Variants in AGBL3 observed in about 807,000 individuals in gnomAD.
AGBL3 encodes AGBL carboxypeptidase 3.
A neutral mutation model predicts 94.5 loss-of-function variants in AGBL3; 68 were observed. That is an observed-to-expected ratio of 0.72 (90% CI 0.59 to 0.88). The LOEUF (loss-of-function observed/expected upper bound fraction) is 0.88, where lower values mean the gene tolerates loss of function less well. Ranked by LOEUF, AGBL3 falls within the 40% of genes least tolerant of loss-of-function variation. The pLI, the probability that AGBL3 is intolerant of heterozygous loss-of-function variation, is 0.00. For missense variants in AGBL3, 934 were observed against 1,103.8 expected, an observed-to-expected ratio of 0.85 and a Z score of 2.18; for synonymous variants, 354 against 370.7, an observed-to-expected ratio of 0.95 and a Z score of 0.52.
At chr7:135,068,796 A>T (rs1022800103) in intron 12 of AGBL3, among the ~76,000 whole-genome samples, 2 of 152,258 alleles carry the variant, frequency 1.3e-5, no homozygotes, top group Non-Finnish European at 2.9e-5. Flanking sequence ...CAAATTGTAA[A>T]GACCATCGAT....
At chr7:134,992,256 T>C (rs1171745371) in intron 3 of AGBL3, among the ~76,000 whole-genome samples, 1 of 152,228 alleles carries the variant, frequency 6.6e-6, no homozygotes, top group Non-Finnish European at 1.5e-5. Context: ...CCTTTCAGCT[T>C]TGTTAGAGTG....
At chr7:134,999,246 T>C (rs1250451260) in intron 4 of AGBL3, among the ~76,000 whole-genome samples, 1 of 152,168 alleles carries the variant, frequency 6.6e-6, no homozygotes, top group Non-Finnish European at 1.5e-5. Context: ...CCTCTGGGGG[T>C]GCAAAGCCTA....
At chr7:135,086,806 T>TTTG (rs757314397) in intron 15 of AGBL3, among the ~76,000 whole-genome samples, 1 of 151,942 alleles carries the variant, frequency 6.6e-6, no homozygotes, top group Non-Finnish European at 1.5e-5. Flanking sequence ...ATAGGTTTCT[T>TTTG]TTGTTGTTGT....
chr7:135,010,654 T>A (rs1321876604), intron 4 of AGBL3: 1 of 152,172 alleles, frequency 6.6e-6, no homozygotes, highest in Non-Finnish European at 1.5e-5. Flanking sequence ...GGATGGGGTA[T>A]TATGTTTGCA....
intron 4 of AGBL3, among the ~76,000 whole-genome samples, chr7:135,006,314 C>T (rs959594453): frequency 6.6e-6 from 1 of 151,894 alleles, no homozygotes; most frequent in Non-Finnish European, 1.5e-5. Flanking sequence ...CTCCTGGCCA[C>T]AGGCAAGCCT....
At chr7:135,029,177 CCA>C (rs1815466231) in intron 5 of AGBL3, among the ~76,000 whole-genome samples, 2 of 152,166 alleles carry the variant, frequency 1.3e-5, no homozygotes. Context: ...AAGTCACCAG[CCA>C]CATTCACCCC....
At chr7:135,030,647 T>C (rs903078897) in intron 5 of AGBL3, among the ~76,000 whole-genome samples, 8 of 152,166 alleles carry the variant, frequency 5.3e-5, no homozygotes, top group Non-Finnish European at 1.0e-4. Flanking sequence ...ATTTCAGCCA[T>C]TATTTCTTCA....
chr7:135,024,223 C>T (rs540693488), intron 5 of AGBL3, among the ~76,000 whole-genome samples: 3 of 152,142 alleles, frequency 2.0e-5, no homozygotes, highest in Non-Finnish European at 4.4e-5. Flanking sequence ...AGGCCCAGAG[C>T]GGGCCTGGTG....
At chr7:135,058,394 T>C (rs906024205) in intron 11 of AGBL3, among the ~76,000 whole-genome samples, 4 of 152,188 alleles carry the variant, frequency 2.6e-5, no homozygotes, top group African/African-American at 9.6e-5. Context: ...ACAGATTTGT[T>C]TGACCCTTTT....
chr7:135,046,209 G>C (rs1190242920), intron 11 of AGBL3, among the ~76,000 whole-genome samples: 1 of 151,992 alleles, frequency 6.6e-6, no homozygotes, highest in East Asian at 1.9e-4. Context: ...CTTTATTTTA[G>C]CTTTTTAGAG....
chr7:135,029,227 A>G (rs1157297596), intron 5 of AGBL3, among the ~76,000 whole-genome samples: 1 of 152,216 alleles, frequency 6.6e-6, no homozygotes, highest in African/African-American at 2.4e-5. Context: ...GCTCTGAAGC[A>G]GGGCATTGAC....
At chr7:135,038,347 T>G (rs1251865549) in intron 8 of AGBL3, among the ~76,000 whole-genome samples, 1 of 152,224 alleles carries the variant, frequency 6.6e-6, no homozygotes, top group African/African-American at 2.4e-5. Context: ...AGAGGATTCA[T>G]TTCCTCAGCA....
chr7:134,999,474 A>C (rs1811440378), intron 4 of AGBL3, among the ~76,000 whole-genome samples: 2 of 152,172 alleles, frequency 1.3e-5, no homozygotes, highest in Admixed American at 6.5e-5. Flanking sequence ...CCATGCCTAC[A>C]TTCCTACACC....
At chr7:135,116,796 C>T (rs1457692396) in intron 16 of AGBL3, among the ~76,000 whole-genome samples, 3 of 152,168 alleles carry the variant, frequency 2.0e-5, no homozygotes, top group Non-Finnish European at 4.4e-5. Flanking sequence ...GGCTGGAGTA[C>T]AGTGGTTATT....
chr7:135,080,054 T>A (rs896935465), intron 13 of AGBL3, 149 bp from the exon 14 acceptor site: 4 of 571,660 alleles, frequency 7.0e-6, no homozygotes, highest in African/African-American at 1.9e-5. Context: ...AGACTCTGAT[T>A]TATAAGATAA....
At chr7:135,018,169 G>A (rs543565666) in intron 5 of AGBL3, among the ~76,000 whole-genome samples, 1 of 152,322 alleles carries the variant, frequency 6.6e-6, no homozygotes, top group South Asian at 2.1e-4. Context: ...AACCATGTCT[G>A]CTGGGCCTGA....
chr7:135,093,312 C>G (rs995989559), intron 15 of AGBL3: 1 of 151,898 alleles, frequency 6.6e-6, no homozygotes, highest in Non-Finnish European at 1.5e-5. Flanking sequence ...CACATACACA[C>G]GCCACACTAT....
intron 12 of AGBL3, among the ~76,000 whole-genome samples, chr7:135,072,066 GA>G (rs1463122083): frequency 6.6e-6 from 1 of 151,834 alleles, no homozygotes; most frequent in Non-Finnish European, 1.5e-5. Flanking sequence ...AAATTTACAA[GA>G]AAAAAACAAA....
intron 16 of AGBL3, among the ~76,000 whole-genome samples, chr7:135,132,817 T>C (rs932540347): frequency 6.6e-6 from 1 of 152,106 alleles, no homozygotes; most frequent in South Asian, 2.1e-4. Context: ...GAACTGTGAG[T>C]CAATTAAACC....
Sources: gnomAD v4.1 joint callset for allele counts (sites outside exome capture counted in the v4.1 genomes callset) on GRCh38, gnomAD v4.1.1 for gene constraint, MANE v1.5 for transcripts, NCBI Gene and HGNC (gene_info 2026-07-23, HGNC 2026-07-21) for gene names.